Variants in DOCK3 observed in about 807,000 individuals in gnomAD.
DOCK3 encodes dedicator of cytokinesis protein 3.
A neutral mutation model predicts 265.6 loss-of-function variants in DOCK3; 60 were observed. The ratio of observed to expected loss-of-function variants is 0.23; its 90% CI spans 0.18 to 0.28. The LOEUF (loss-of-function observed/expected upper bound fraction) is 0.28, where lower values mean the gene tolerates loss of function less well. Ranked by LOEUF, DOCK3 falls within the 10% of genes least tolerant of loss-of-function variation. DOCK3 has a pLI of 1.00. For missense variants in DOCK3, 1,981 were observed against 2,594.3 expected (o/e 0.76, Z 5.14); for synonymous variants, 881 against 938.0 (o/e 0.94, Z 1.11).
At chr3:51,357,220 A>G (rs2086424313) in intron 44 of DOCK3, 79 bp downstream of exon 44, 9 of 1,506,500 alleles carry the variant, frequency 6.0e-6, no homozygotes, top group South Asian at 2.6e-5. Context: ...TTTCAAGATT[A>G]TAGTCTCCTT....
intron 1 of DOCK3, among the ~76,000 whole-genome samples, chr3:50,693,698 G>T (rs1194059680): frequency 6.6e-6 from 1 of 151,286 alleles, no homozygotes; most frequent in African/African-American, 2.4e-5. Context: ...ACCACACCTG[G>T]CTAGTTTTTT....
chr3:51,201,520 A>C (rs1438514703), intron 12 of DOCK3, among the ~76,000 whole-genome samples: 3 of 152,202 alleles, frequency 2.0e-5, no homozygotes, highest in African/African-American at 7.2e-5. Flanking sequence ...AGACACATAA[A>C]GCAAGTCCTG....
chr3:50,891,669 CTTTA>C (rs1461593371), intron 4 of DOCK3, among the ~76,000 whole-genome samples: 1 of 151,960 alleles, frequency 6.6e-6, no homozygotes, highest in Non-Finnish European at 1.5e-5. Flanking sequence ...AAGTAATATC[CTTTA>C]TTTATCAGTA....
chr3:50,800,122 G>T (rs936108379), intron 2 of DOCK3, among the ~76,000 whole-genome samples: 2 of 152,160 alleles, frequency 1.3e-5, no homozygotes, highest in Non-Finnish European at 2.9e-5. Context: ...TTTTGTGTCT[G>T]TGTTCATCAG....
At chr3:50,863,356 C>T (rs1371199780) in intron 3 of DOCK3, 1 of 510,958 alleles carries the variant, frequency 2.0e-6, no homozygotes, top group African/African-American at 1.9e-5. Flanking sequence ...GAGCTGGCTA[C>T]CCGGTTCTTT....
chr3:50,804,055 C>T (rs1008257314), intron 2 of DOCK3, among the ~76,000 whole-genome samples: 1 of 151,574 alleles, frequency 6.6e-6, no homozygotes, highest in Non-Finnish European at 1.5e-5. Flanking sequence ...TCCTTAGTTC[C>T]CAGACGGGGT....
chr3:50,918,457 T>C (rs1413733373), intron 4 of DOCK3, among the ~76,000 whole-genome samples: 1 of 152,182 alleles, frequency 6.6e-6, no homozygotes, highest in Non-Finnish European at 1.5e-5. Context: ...CCATTTTAAC[T>C]GGTGTGAGAT....
chr3:50,680,427 C>T (rs141655545), intron 1 of DOCK3, among the ~76,000 whole-genome samples: 1,640 of 150,328 alleles, frequency 0.011, 25 homozygotes, highest in Middle Eastern at 0.049. Flanking sequence ...TTGGCCAGGC[C>T]GGTCTCGAGC....
At chr3:51,076,101 A>G (rs1301423472) in intron 7 of DOCK3, among the ~76,000 whole-genome samples, 3 of 152,196 alleles carry the variant, frequency 2.0e-5, no homozygotes, top group South Asian at 2.1e-4. Context: ...AATAAACTGT[A>G]ATATTTTTAG....
chr3:51,160,462 C>T, intron 11 of DOCK3, 93 bp from the exon 12 acceptor site: 1 of 1,437,378 alleles, frequency 7.0e-7, no homozygotes, highest in South Asian at 1.5e-5. Flanking sequence ...TTCCTAGGTG[C>T]CTGTAGCTCA....
chr3:50,892,203 CT>C (rs2048674034), intron 4 of DOCK3, among the ~76,000 whole-genome samples: 1 of 152,178 alleles, frequency 6.6e-6, no homozygotes, highest in Middle Eastern at 3.4e-3. Context: ...TTCATGTTTA[CT>C]TTGGCCTTTT....
At chr3:51,356,757 T>G (rs892406644) in intron 43 of DOCK3, among the ~76,000 whole-genome samples, 1 of 152,176 alleles carries the variant, frequency 6.6e-6, no homozygotes, top group South Asian at 2.1e-4. Context: ...AGTGCTCTGA[T>G]TTCAGAACTA....
chr3:51,241,078 G>A (rs1033339064), intron 21 of DOCK3, among the ~76,000 whole-genome samples: 9 of 152,088 alleles, frequency 5.9e-5, no homozygotes, highest in African/African-American at 9.7e-5. Context: ...TTTTCTTTGC[G>A]TATTTTGTGC....
intron 12 of DOCK3, among the ~76,000 whole-genome samples, chr3:51,195,891 A>G (rs987678555): frequency 6.6e-6 from 1 of 152,036 alleles, no homozygotes; most frequent in Non-Finnish European, 1.5e-5. Context: ...CATGTATAGC[A>G]TTCTTAGCTG....
At chr3:51,184,640 A>C (rs2087493483) in intron 12 of DOCK3, among the ~76,000 whole-genome samples, 1 of 152,282 alleles carries the variant, frequency 6.6e-6, no homozygotes, top group East Asian at 1.9e-4. Flanking sequence ...TAAATAACTG[A>C]GGGAGAAGAA....
At chr3:50,703,128 A>G (rs1435209262) in intron 1 of DOCK3, among the ~76,000 whole-genome samples, 2 of 151,982 alleles carry the variant, frequency 1.3e-5, no homozygotes, top group Non-Finnish European at 2.9e-5. Context: ...CATTTTGTCG[A>G]TGTGATATAT....
rs1187342227 is a variant in DOCK3, at chr3:51,214,190, T to C, written c.1195T>C (p.Phe399Leu). Reference protein sequence around the residue: ...EQIRRENPMIFNRGLAITRKL... With the variant: ...EQIRRENPMILNRGLAITRKL... Reference sequence around the variant, plus strand: ...GATTCGGAGAGAAAATCCCATGATATTTAATAGGGGATTGGCAATTACAAG... The same window carrying C: ...GATTCGGAGAGAAAATCCCATGATACTTAATAGGGGATTGGCAATTACAAG... The change falls in exon 14 of 53, where the codon TTT (phenylalanine) becomes CTT (leucine). Residue 399 changes from phenylalanine (F) to leucine (L), a missense_variant. Phe to Leu is a conservative substitution (Grantham distance 22). This residue lies in a region of DOCK3 where 456 missense variants were observed against 539.0 expected (regional missense o/e 0.85). Coordinates refer to ENST00000266037, the MANE Select transcript of DOCK3 (RefSeq NM_004947.5). The C allele has an allele frequency of 1.9e-6, 3 of 1,613,818 alleles. No homozygotes were observed. Among genetic ancestry groups the C allele is most frequent in the Non-Finnish European group, 2.5e-6 (3 of 1,179,804 alleles).
intron 3 of DOCK3, among the ~76,000 whole-genome samples, chr3:50,868,079 T>C (rs1212856807): frequency 8.6e-6 from 1 of 116,916 alleles, no homozygotes; most frequent in African/African-American, 2.8e-5. Flanking sequence ...GGGAGACTTC[T>C]TTTTTTTTTT....
chr3:51,338,812 T>C, intron 36 of DOCK3, 123 bp from the exon 37 acceptor site: 1 of 772,126 alleles, frequency 1.3e-6, no homozygotes, highest in Non-Finnish European at 2.2e-6. Flanking sequence ...CTTCTGGTGC[T>C]GTCTGCCTCC....
Sources: allele counts gnomAD v4.1 joint callset (sites outside exome capture counted in the v4.1 genomes callset), GRCh38; gene constraint gnomAD v4.1.1; regional missense constraint gnomAD v4.1.1; transcripts MANE v1.5; gene names NCBI Gene and HGNC (gene_info 2026-07-23, HGNC 2026-07-21).